The following PRKCQ variants were observed in gnomAD, a reference collection of about 807,000 sequenced individuals.
The protein encoded by PRKCQ is protein kinase C theta.
In PRKCQ, 41 loss-of-function variants were observed where a neutral mutation model predicts 91.2. The ratio of observed to expected loss-of-function variants is 0.45; its 90% CI spans 0.35 to 0.58. The LOEUF (loss-of-function observed/expected upper bound fraction) is 0.58, where lower values mean the gene tolerates loss of function less well. PRKCQ is among the 20% of genes least tolerant of loss of function. The pLI, the probability that PRKCQ is intolerant of heterozygous loss-of-function variation, is 0.00. For synonymous variants in PRKCQ, 307 were observed against 316.9 expected (o/e 0.97, Z 0.33); for missense variants, 673 against 896.5 (o/e 0.75, Z 3.18).
chr10:6,429,151 T>G (rs566851997), intron 17 of PRKCQ, among the ~76,000 whole-genome samples: 1 of 152,300 alleles, frequency 6.6e-6, no homozygotes, highest in Non-Finnish European at 1.5e-5. Flanking sequence ...GTGAGGTCAA[T>G]GGCAGCTCAG....
chr10:6,574,537 G>A (rs148586966), intron 1 of PRKCQ, among the ~76,000 whole-genome samples: 174 of 152,286 alleles, frequency 1.1e-3, no homozygotes, highest in Admixed American at 2.7e-3. Context: ...GGTCCTATGT[G>A]ATCTGGCACA....
At chr10:6,414,828 A>G in the PRKCQ span, among the ~76,000 whole-genome samples, 2 of 152,056 alleles carry the variant, frequency 1.3e-5, no homozygotes, top group Admixed American at 6.5e-5. Flanking sequence ...CATAACATCA[A>G]TGAACTATGG....
intron 13 of PRKCQ, among the ~76,000 whole-genome samples, chr10:6,463,128 C>T (rs1835452327): frequency 6.6e-6 from 1 of 152,086 alleles, no homozygotes; most frequent in African/African-American, 2.4e-5. Context: ...GGTTTATTTT[C>T]GTACTGAGAA....
chr10:6,464,822 G>A (rs1324570807), intron 12 of PRKCQ, among the ~76,000 whole-genome samples: 2 of 152,162 alleles, frequency 1.3e-5, no homozygotes, highest in Non-Finnish European at 2.9e-5. Context: ...GATCATTTCA[G>A]GGGAACTAAT....
At chr10:6,563,556 C>T (rs1713814932) in intron 1 of PRKCQ, among the ~76,000 whole-genome samples, 1 of 152,194 alleles carries the variant, frequency 6.6e-6, no homozygotes, top group Non-Finnish European at 1.5e-5. Context: ...CTCTTGACTA[C>T]CTAGAGTGCT....
chr10:6,447,090 T>C (rs1588669679), intron 15 of PRKCQ, among the ~76,000 whole-genome samples: 1 of 152,172 alleles, frequency 6.6e-6, no homozygotes, highest in East Asian at 1.9e-4. Context: ...CTGGATTTAC[T>C]GAGTGTCTAG....
At position 6,456,664 on chromosome 10, in the gene PRKCQ, G is replaced by A. The variant is rs761055753; in HGVS notation, c.1647+10C>T. The stretch of plus-strand genomic sequence containing the variant: ...GGTGAGGTGGGAGCAGCCTGTCACT[G>A]CATTCCTACCTCTGGGGCGATGTAG... On this transcript the variant is annotated intron_variant, in intron 15 of 17. Transcript: ENST00000263125. The A allele has an allele frequency of 1.7e-5, 27 of 1,613,672 alleles. No homozygotes were observed. In the East Asian group the frequency reaches 5.8e-4, roughly 35 times the overall value.
chr10:6,439,070 G>T (rs771150770), intron 16 of PRKCQ, among the ~76,000 whole-genome samples: 1 of 152,084 alleles, frequency 6.6e-6, no homozygotes, highest in Non-Finnish European at 1.5e-5. Flanking sequence ...AGAATATTTC[G>T]CATCCTCAAA....
rs756736437 is a variant in PRKCQ, at chr10:6,430,782, A to T, written c.1965+28T>A. The T allele has an allele frequency of 6.2e-7, 1 of 1,609,222 alleles. No homozygotes were observed. The highest frequency in any genetic ancestry group is 8.5e-7 in the Non-Finnish European group (1 of 1,177,158). ...CCTGAGCGGAGGGAGAGTGGCTGAC[A>T]CCAAGCGGCCCATGAGCGAGTCCTT... On this transcript the variant is annotated intron_variant, in intron 17 of 17. Transcript: ENST00000263125. This position sits in a 1 kb window ranked among gnomAD's most constrained non-coding sequence, Gnocchi z 4.7.
chr10:6,552,870 A>G (rs1840245169), intron 1 of PRKCQ, among the ~76,000 whole-genome samples: 1 of 132,974 alleles, frequency 7.5e-6, no homozygotes, highest in Non-Finnish European at 1.7e-5. Flanking sequence ...CCACATCAGA[A>G]AATAAGAAGG....
chr10:6,573,423 A>C (rs1841113377), intron 1 of PRKCQ, among the ~76,000 whole-genome samples: 1 of 152,076 alleles, frequency 6.6e-6, no homozygotes, highest in Non-Finnish European at 1.5e-5. Flanking sequence ...TACATCTTCC[A>C]TCCCCACCCG....
chr10:6,444,752 C>T (rs1313703782), intron 15 of PRKCQ, among the ~76,000 whole-genome samples: 3 of 151,950 alleles, frequency 2.0e-5, no homozygotes, highest in Non-Finnish European at 4.4e-5. Flanking sequence ...TTTTTGTTGG[C>T]GCTACTCGTA....
intron 10 of PRKCQ, among the ~76,000 whole-genome samples, chr10:6,483,837 T>C (rs1836752567): frequency 6.6e-6 from 1 of 152,248 alleles, no homozygotes; most frequent in South Asian, 2.1e-4. Flanking sequence ...ACTATGTCTC[T>C]TTCTTCAATA....
chr10:6,538,162 G>A (rs1839652243), intron 1 of PRKCQ, among the ~76,000 whole-genome samples: 1 of 152,238 alleles, frequency 6.6e-6, no homozygotes. Flanking sequence ...CTCAGAAACA[G>A]GAGTACCTGC....
At chr10:6,402,269 T>C in the PRKCQ span, among the ~76,000 whole-genome samples, 1 of 148,604 alleles carries the variant, frequency 6.7e-6, no homozygotes, top group Non-Finnish European at 1.5e-5. Context: ...GAGACCACCA[T>C]GGCACGTGCA....
At chr10:6,543,452 G>A (rs7916556) in intron 1 of PRKCQ, among the ~76,000 whole-genome samples, 138,177 of 151,258 alleles carry the variant, frequency 0.91, 63,381 homozygotes, top group East Asian at 1. Flanking sequence ...GAGGGAGGAA[G>A]AAGTCAGAAA....
chr10:6,534,976 T>C (rs1335988637), intron 1 of PRKCQ, among the ~76,000 whole-genome samples: 4 of 152,178 alleles, frequency 2.6e-5, no homozygotes, highest in Non-Finnish European at 5.9e-5. Context: ...ATGTTTTTCA[T>C]ATATTTATTC....
chr10:6,540,956 A>T (rs1839755885), intron 1 of PRKCQ, among the ~76,000 whole-genome samples: 1 of 152,112 alleles, frequency 6.6e-6, no homozygotes, highest in African/African-American at 2.4e-5. Context: ...TTTGTGTTGT[A>T]TTTCCCTACT....
chr10:6,470,671 C>A lies in PRKCQ; in HGVS notation c.1354-6267G>T, dbSNP rs546996471. Among the ~76,000 whole-genome samples the A allele has an allele frequency of 5.3e-5, 8 of 152,260 alleles. No individual in the cohort carries two copies. In the South Asian group the frequency reaches 1.7e-3, roughly 32 times the overall value. Reference sequence around the variant, plus strand: ...TTGCCATCAAGGATCAAGGCAGAGGCCAAGCGCGGTGGCTCATGCCTATAA... The same window carrying A: ...TTGCCATCAAGGATCAAGGCAGAGGACAAGCGCGGTGGCTCATGCCTATAA... On this transcript the variant is annotated intron_variant, in intron 12 of 17. Transcript: ENST00000263125.
Sources: allele counts gnomAD v4.1 joint callset (sites outside exome capture counted in the v4.1 genomes callset), GRCh38; gene constraint gnomAD v4.1.1; non-coding constraint Gnocchi (gnomAD v3.1); transcripts MANE v1.5; gene names NCBI Gene and HGNC (gene_info 2026-07-23, HGNC 2026-07-21).